Variants in UNC5CL observed in about 807,000 individuals in gnomAD.
The protein encoded by UNC5CL is unc-5 family C-terminal like.
In UNC5CL, 42 loss-of-function variants were observed where a neutral mutation model predicts 54.1. The ratio of observed to expected loss-of-function variants is 0.78; its 90% CI spans 0.61 to 1.00. The LOEUF is 1.00. UNC5CL is among the 50% of genes least tolerant of loss of function. The probability of loss-of-function intolerance (pLI) is 0.00; values close to 1 mark genes in which losing one functional copy is unlikely to be tolerated. For synonymous variants in UNC5CL, 285 were observed against 285.1 expected (o/e 1.00, Z 0.00); for missense variants, 619 against 675.6 (o/e 0.92, Z 0.93).
chr6:41,030,322 T>C, intron 8 of UNC5CL, 66 bp downstream of exon 8: 3 of 1,459,240 alleles, frequency 2.1e-6, no homozygotes, highest in Non-Finnish European at 2.9e-6. Context: ...GTCTCCAGAG[T>C]GTCCTGAGGA....
Position 41,028,954 on chromosome 6 carries a change from A to AGTCTCCCCCTG in UNC5CL, c.1335-360_1335-359insCAGGGGGAGAC. Among the ~76,000 whole-genome samples, 1 of 139,884 alleles carries AGTCTCCCCCTG rather than the reference A, an allele frequency of 7.1e-6. No individual in the cohort carries two copies. The highest frequency in any genetic ancestry group is 7.3e-5 in the Admixed American group (1 of 13,648). The allele number at this position is 139,884 out of a possible 152,430, so 91.8% of individuals were successfully genotyped here. A position where few individuals can be genotyped will look rare whatever the true frequency, so the allele number is the denominator to read the frequency against. ...CCAAATACACCCCTAGCCTCCCCCT[A>AGTCTCCCCCTG]GCCTCCTAACTCCCTCCTTCCTCCC... On this transcript the variant is annotated intron_variant, in intron 8 of 8. Transcript: ENST00000244565. The surrounding 1 kb of genome is among the most constrained non-coding windows in gnomAD (Gnocchi z 4.3).
intron 1 of UNC5CL, among the ~76,000 whole-genome samples, chr6:41,036,408 A>C (rs1310697020): frequency 6.6e-6 from 1 of 152,218 alleles, no homozygotes; most frequent in Non-Finnish European, 1.5e-5. Flanking sequence ...CACACCCCCA[A>C]ACTATTCCCA....
At chr6:41,038,481 C>T (rs1333078212) in intron 1 of UNC5CL, among the ~76,000 whole-genome samples, 1 of 152,204 alleles carries the variant, frequency 6.6e-6, no homozygotes, top group Non-Finnish European at 1.5e-5. Flanking sequence ...CAAAGCCCCA[C>T]TGGGCCTCTC....
intron 6 of UNC5CL, 70 bp downstream of exon 6, chr6:41,031,611 A>G: frequency 6.9e-7 from 1 of 1,455,106 alleles, no homozygotes; most frequent in South Asian, 1.1e-5. Context: ...TGGGCACCAG[A>G]CCCTGTGCCC....
chr6:41,033,903 G>A lies in UNC5CL; in HGVS notation c.664C>T (p.Arg222Cys), dbSNP rs765676606. The change falls in exon 3 of 9, where the codon CGC (arginine) becomes TGC (cysteine). Residue 222 changes from arginine (R) to cysteine (C), a missense_variant. Arg to Cys is a radical substitution (Grantham distance 180). Coordinates refer to ENST00000244565, the MANE Select transcript of UNC5CL (RefSeq NM_173561.3). The part of the protein sequence containing the change: ...PGAHASRDEC[R>C]IHLSHFSLYT... ...TACCTGAAGTGGGAGAGGTGGATGC[G>A]ACACTCATCCCGGGAGGCGTGGGCC... The A allele has an allele frequency of 1.9e-5, 30 of 1,613,592 alleles. No homozygotes were observed. Among genetic ancestry groups the A allele is most frequent in the South Asian group, 9.9e-5 (9 of 91,058 alleles).
chr6:41,031,766 C>T lies in UNC5CL; in HGVS notation c.1052-18G>A, dbSNP rs772063794. 44 of 1,614,000 alleles carry T rather than the reference C, an allele frequency of 2.7e-5. No homozygotes were observed. The highest frequency in any genetic ancestry group is 4.2e-6 in the Non-Finnish European group (5 of 1,179,904). On this transcript the variant is annotated intron_variant, in intron 5 of 8. Coordinates refer to ENST00000244565, the MANE Select transcript of UNC5CL (RefSeq NM_173561.3). Reference sequence around the variant, plus strand: ...CTCATCGGCTATAAAGAGAAGGTGACAGCGTGGCCAGTGAGTGAGGAAACG... The same window carrying T: ...CTCATCGGCTATAAAGAGAAGGTGATAGCGTGGCCAGTGAGTGAGGAAACG...
chr6:41,034,660 T>C (rs1762497515), intron 2 of UNC5CL, 30 bp downstream of exon 2: 1 of 1,591,944 alleles, frequency 6.3e-7, no homozygotes, highest in Non-Finnish European at 8.5e-7. Flanking sequence ...TGACCAACTG[T>C]ATGCGGAGAT....
rs750617546 is a variant in UNC5CL, at chr6:41,029,666, G to A, written c.1334+722C>T. Among the ~76,000 whole-genome samples, 21 of 152,128 alleles carry A rather than the reference G, an allele frequency of 1.4e-4. No individual in the cohort carries two copies. The highest frequency in any genetic ancestry group is 2.4e-4 in the Non-Finnish European group (16 of 68,020). ...AGCCTGGCCAACCTGGTGAAACCCC[G>A]TCTGTACTAAAAATAAAAAATTAGC... On this transcript the variant is annotated intron_variant, in intron 8 of 8. Coordinates refer to ENST00000244565, the MANE Select transcript of UNC5CL (RefSeq NM_173561.3). This position sits in a 1 kb window ranked among gnomAD's most constrained non-coding sequence, Gnocchi z 4.1.
intron 1 of UNC5CL, among the ~76,000 whole-genome samples, chr6:41,037,924 C>G (rs1762542274): frequency 1.3e-5 from 2 of 152,232 alleles, no homozygotes; most frequent in South Asian, 4.1e-4. Context: ...AAGCACTCTC[C>G]ATGGCTTGTC....
Position 41,034,700 on chromosome 6 carries a change from G to A in UNC5CL, c.375C>T (p.Leu125=). 2.5e-6 allele frequency: 4 copies of A among 1,602,356 alleles called. No homozygotes were observed. The South Asian group carries it at 3.3e-5, about 13-fold the overall frequency. ...LMLQDTGISL[L]IPPGAVAVGR... ...GCCAGGAGCTGTTACCTGGTGGGAT[G>A]AGCAAGGAGATGCCTGTATCCTGGA... Residue 125 remains leucine, a synonymous_variant, in exon 2 of 9, where the codon CTC becomes CTT. Transcript: ENST00000244565.
In UNC5CL at chr6:41,027,096, AAAC is replaced by A. The variant is rs1762396400; in HGVS notation, c.*1274_*1276del. On this transcript the variant is annotated 3_prime_UTR_variant, in exon 9 of 9. Coordinates refer to ENST00000244565, the MANE Select transcript of UNC5CL (RefSeq NM_173561.3). Reference sequence around the variant, plus strand: ...ATTCATGTCTTTTGTATACAGTATCAAACACATAGTAGGTGCTGAATAAGTATC... The same window carrying A: ...ATTCATGTCTTTTGTATACAGTATCAACATAGTAGGTGCTGAATAAGTATC... 1 of 152,228 alleles carries A rather than the reference AAAC, an allele frequency of 6.6e-6. No homozygotes were observed. Among genetic ancestry groups the A allele is most frequent in the Non-Finnish European group, 1.5e-5 (1 of 68,036 alleles). 9.4% of individuals were successfully genotyped at this position (152,228 alleles called of 1,614,324 possible).
chr6:41,032,309 T>C (rs1391004775), intron 4 of UNC5CL, among the ~76,000 whole-genome samples, 172 bp from the exon 5 acceptor site: 2 of 152,182 alleles, frequency 1.3e-5, no homozygotes, highest in African/African-American at 4.8e-5. Flanking sequence ...ATAAAAGCCT[T>C]CCATCCTTTC....
chr6:41,037,144 C>G (rs1762535557), intron 1 of UNC5CL, among the ~76,000 whole-genome samples: 1 of 152,230 alleles, frequency 6.6e-6, no homozygotes, highest in Admixed American at 6.5e-5. Flanking sequence ...CAGCCTCCAG[C>G]TCGCGAAATC....
intron 1 of UNC5CL, among the ~76,000 whole-genome samples, 186 bp from the exon 2 acceptor site, chr6:41,035,321 C>T (rs1302222821): frequency 2.0e-5 from 3 of 152,200 alleles, no homozygotes; most frequent in Non-Finnish European, 4.4e-5. Context: ...CCTAATACAT[C>T]AAGGTAAACT....
rs1305862846 is a variant in UNC5CL, at chr6:41,036,728, A to C, written c.-61-1593T>G. On this transcript the variant is annotated intron_variant, in intron 1 of 8. Coordinates refer to ENST00000244565, the MANE Select transcript of UNC5CL (RefSeq NM_173561.3). ...GGGATAGGCAACATACAACAAGAAC[A>C]ACAAAAGCTAAAAGTGGAAGCAAAA... 4.6e-5 allele frequency among the ~76,000 whole-genome samples: 7 copies of C among 152,068 alleles called. No individual in the cohort carries two copies. In the East Asian group the frequency reaches 7.7e-4, roughly 17 times the overall value.
chr6:41,038,705 G>A (rs1762549217), intron 1 of UNC5CL, among the ~76,000 whole-genome samples: 1 of 152,150 alleles, frequency 6.6e-6, no homozygotes, highest in Non-Finnish European at 1.5e-5. Flanking sequence ...TGGGTAGCGG[G>A]TCCCCGAAAC....
At position 41,030,380 on chromosome 6, in the gene UNC5CL, C is replaced by G. The variant is rs376385918; in HGVS notation, c.1334+8G>C. ...TCTACCATCCACAGACCTCACCCCT[C>G]TTCCTACCGGATCTTCATGCCGCAA... On this transcript the variant is annotated splice_region_variant and intron_variant, in intron 8 of 8. Coordinates refer to ENST00000244565, the MANE Select transcript of UNC5CL (RefSeq NM_173561.3). The G allele has an allele frequency of 1.2e-6, 2 of 1,613,936 alleles. No homozygotes were observed. Among genetic ancestry groups the G allele is most frequent in the Non-Finnish European group, 1.7e-6 (2 of 1,179,812 alleles).
At position 41,034,901 on chromosome 6, in the gene UNC5CL, G is replaced by C. The variant is rs145878921; in HGVS notation, c.174C>G (p.Pro58=). The change falls in exon 2 of 9, where the codon CCC becomes CCG. Residue 58 remains proline, a synonymous_variant. Transcript: ENST00000244565. ...GQEEPVSQPT[P]QLENEVSRQH... is the part of the protein sequence containing the mutation. ...GCCTTGAGACCTCATTTTCTAGTTG[G>C]GGGGTAGGCTGGGACACTGGTTCCT... 1.4e-5 allele frequency: 23 copies of C among 1,614,080 alleles called. No individual in the cohort carries two copies. The Middle Eastern group carries it at 8.2e-4, about 58-fold the overall frequency.
At position 41,028,459 on chromosome 6, in the gene UNC5CL, G is replaced by A. The variant is rs764325705; in HGVS notation, c.1471C>T (p.Leu491=). The A allele has an allele frequency of 6.2e-7, 1 of 1,613,842 alleles. No individual in the cohort carries two copies. The change falls in exon 9 of 9, where the codon CTG becomes TTG. Residue 491 remains leucine, a synonymous_variant. Coordinates refer to ENST00000244565, the MANE Select transcript of UNC5CL (RefSeq NM_173561.3). The surrounding 1 kb of genome is among the most constrained non-coding windows in gnomAD (Gnocchi z 4.3). Reference sequence around the variant, plus strand: ...GGGCTGCCGCCGTGTGTCCCACTCAGGTAGTTCTGGATGGCGGAGGCGCAG... The same window carrying A: ...GGGCTGCCGCCGTGTGTCCCACTCAAGTAGTTCTGGATGGCGGAGGCGCAG... ...LDCASAIQNY[L]SGTHGGSPGP...
Sources: allele counts gnomAD v4.1 joint callset (sites outside exome capture counted in the v4.1 genomes callset), GRCh38; gene constraint gnomAD v4.1.1; non-coding constraint Gnocchi (gnomAD v3.1); transcripts MANE v1.5; gene names NCBI Gene and HGNC (gene_info 2026-07-23, HGNC 2026-07-21).